RTN4: variants seen among roughly 807,000 people sequenced by gnomAD.
The protein encoded by RTN4 is reticulon 4.
RTN4 carries 32 observed loss-of-function variants against 90.4 expected under a neutral mutation model. The observed-to-expected ratio is 0.35, with a 90% CI of 0.27 to 0.48. The LOEUF (loss-of-function observed/expected upper bound fraction) is 0.48, where lower values mean the gene tolerates loss of function less well. Among genes scored for constraint, RTN4 ranks in the 20% least tolerant of loss-of-function variants. RTN4 has a pLI of 0.99. For synonymous variants in RTN4, 629 were observed against 552.5 expected (o/e 1.14, Z -1.94); for missense variants, 1,706 against 1,430.2 (o/e 1.19, Z -3.11).
intron 2 of RTN4, among the ~76,000 whole-genome samples, chr2:55,059,671 TA>T (rs371835990): frequency 6.3e-4 from 95 of 151,840 alleles, no homozygotes; most frequent in Middle Eastern, 3.4e-3. Context: ...CTGTCTCTAC[TA>T]AAAATACAAA....
At chr2:55,074,871 C>G (rs1012957398) in intron 2 of RTN4, among the ~76,000 whole-genome samples, 1 of 152,112 alleles carries the variant, frequency 6.6e-6, no homozygotes, top group Non-Finnish European at 1.5e-5. Flanking sequence ...TTTCACAAAT[C>G]CAGCATCCCT....
At chr2:54,987,045 A>T (rs542029002) in intron 4 of RTN4, among the ~76,000 whole-genome samples, 1 of 152,286 alleles carries the variant, frequency 6.6e-6, no homozygotes, top group South Asian at 2.1e-4. Flanking sequence ...GTAAAGCCTT[A>T]AGAAACGAGA....
chr2:55,036,599 CAAAAAAAAAAAA>C (rs71410411), intron 1 of RTN4, among the ~76,000 whole-genome samples: 1 of 72,988 alleles, frequency 1.4e-5, no homozygotes. Flanking sequence ...AAGACTGTCT[CAAAAAAAAAAAA>C]AAAAAAAAAA....
intron 1 of RTN4, among the ~76,000 whole-genome samples, chr2:55,098,450 A>G (rs1173584011): frequency 3.3e-5 from 5 of 152,138 alleles, no homozygotes; most frequent in Admixed American, 6.6e-5. Context: ...CCCAACTTCA[A>G]TAATTATCAA....
At chr2:55,051,929 G>T (rs1033398081), upstream of RTN4, among the ~76,000 whole-genome samples, 5 of 151,968 alleles carry the variant, frequency 3.3e-5, no homozygotes, top group Non-Finnish European at 5.9e-5. Flanking sequence ...ATTTCTTTTG[G>T]ACAGTGCTAG....
At chr2:55,079,959 G>T (rs560234674) in intron 2 of RTN4, among the ~76,000 whole-genome samples, 1 of 152,322 alleles carries the variant, frequency 6.6e-6, no homozygotes, top group East Asian at 1.9e-4. Flanking sequence ...AAAAATGAAT[G>T]TAATAATACT....
chr2:54,983,383 C>A lies in RTN4; in HGVS notation c.3222-730G>T, dbSNP rs1298675845. Among the ~76,000 whole-genome samples, 4 of 151,638 alleles carry A rather than the reference C, an allele frequency of 2.6e-5. No individual in the cohort carries two copies. In the East Asian group the frequency reaches 7.7e-4, roughly 29 times the overall value. On this transcript the variant is annotated intron_variant, in intron 4 of 8. Coordinates refer to ENST00000337526, the MANE Select transcript of RTN4 (RefSeq NM_020532.5). The stretch of plus-strand genomic sequence containing the variant: ...TACTATACTGGGGAAAAAGTCAAGT[C>A]CACAGGAATGTAAGAAACAGTTTCA...
At chr2:54,989,892 CT>C (rs970181950) in intron 3 of RTN4, among the ~76,000 whole-genome samples, 9 of 151,154 alleles carry the variant, frequency 6.0e-5, no homozygotes, top group African/African-American at 1.2e-4. Flanking sequence ...TAATTAATGC[CT>C]TTTTTTTTAT....
At chr2:55,019,934 G>C (rs1681305323) in intron 3 of RTN4, among the ~76,000 whole-genome samples, 1 of 151,874 alleles carries the variant, frequency 6.6e-6, no homozygotes, top group Non-Finnish European at 1.5e-5. Context: ...AAGAAATCAA[G>C]TAGGAAACTC....
In RTN4 at chr2:55,025,891, T is replaced by C. The variant is rs916015768; in HGVS notation, c.2208A>G (p.Glu736=). 1 of 1,613,716 alleles carries C rather than the reference T, an allele frequency of 6.2e-7. No homozygotes were observed. The highest frequency in any genetic ancestry group is 1.3e-5 in the African/African-American group (1 of 74,904). The change falls in exon 3 of 9, where the codon GAA becomes GAG. Residue 736 remains glutamate (E), a synonymous_variant. Coordinates refer to ENST00000337526, the MANE Select transcript of RTN4 (RefSeq NM_020532.5). Reference sequence around the variant, plus strand: ...CTGGTTCAGAATCAGGTGAGGAATCTTCAACTAGCTCAGAATGATCAGGCA... The same window carrying C: ...CTGGTTCAGAATCAGGTGAGGAATCCTCAACTAGCTCAGAATGATCAGGCA... ...QPVPDHSELV[E]DSSPDSEPVD...
chr2:55,049,617 C>T, intron 1 of RTN4, 128 bp downstream of exon 1: 2 of 1,461,708 alleles, frequency 1.4e-6, no homozygotes, highest in Non-Finnish European at 1.9e-6. Context: ...GGGGCGCCAT[C>T]GCCCCGAAGT....
In RTN4 at chr2:55,070,571, G is replaced by C. The variant is rs1485637289; in HGVS notation, c.-63+9918C>G. Among the ~76,000 whole-genome samples, 18 of 136,856 alleles carry C rather than the reference G, an allele frequency of 1.3e-4. No homozygotes were observed. The Admixed American group carries it at 1.3e-3, about 10-fold the overall frequency. 89.8% of individuals were successfully genotyped at this position (136,856 alleles called of 152,430 possible). On this transcript the variant is annotated intron_variant, in intron 2 of 3. Coordinates refer to the RTN4 transcript ENST00000427710. ...AAAAAAAAAAAAAAAAAAAAAGAAA[G>C]AAAGAAAGAAAAATAAAATACTCCC...
At chr2:55,094,495 T>A (rs997442033) in intron 1 of RTN4, among the ~76,000 whole-genome samples, 1 of 152,164 alleles carries the variant, frequency 6.6e-6, no homozygotes, top group Non-Finnish European at 1.5e-5. Context: ...ACCAATCAGG[T>A]GAGCTTCTGC....
Position 55,025,822 on chromosome 2 carries a change from T to C in RTN4, c.2277A>G (p.Lys759=). 1 of 1,613,678 alleles carries C rather than the reference T, an allele frequency of 6.2e-7. No homozygotes were observed. The highest frequency in any genetic ancestry group is 8.5e-7 in the Non-Finnish European group (1 of 1,179,804). The change falls in exon 3 of 9, where the codon AAA becomes AAG. Residue 759 remains lysine (K), a synonymous_variant. Coordinates refer to ENST00000337526, the MANE Select transcript of RTN4 (RefSeq NM_020532.5). The part of the protein sequence containing the change: ...SDDSIPDVPQ[K]QDETVMLVKE... The stretch of plus-strand genomic sequence containing the variant: ...TCACAAGCATCACAGTTTCATCTTG[T>C]TTTTGTGGAACGTCAGGTATTGAAT...
At chr2:55,116,413 C>T (rs1351971701), upstream of RTN4, among the ~76,000 whole-genome samples, 1 of 152,134 alleles carries the variant, frequency 6.6e-6, no homozygotes, top group African/African-American at 2.4e-5. Flanking sequence ...TAAAATGCCT[C>T]CACACCACAT....
At chr2:55,044,721 T>C (rs1683298669) in intron 1 of RTN4, among the ~76,000 whole-genome samples, 1 of 142,586 alleles carries the variant, frequency 7.0e-6, no homozygotes, top group Non-Finnish European at 1.5e-5. Context: ...CAGTTATTTA[T>C]CAGTGGTTCC....
chr2:55,023,809 C>A (rs773121761), intron 3 of RTN4, among the ~76,000 whole-genome samples: 2 of 152,096 alleles, frequency 1.3e-5, no homozygotes, highest in Non-Finnish European at 2.9e-5. Flanking sequence ...CACCATTTGC[C>A]GCTGTCATGA....
At chr2:55,132,205 G>C in the RTN4 span, among the ~76,000 whole-genome samples, 1 of 152,154 alleles carries the variant, frequency 6.6e-6, no homozygotes, top group East Asian at 1.9e-4. Context: ...ACTTTTATGT[G>C]TGTTTGAAAC....
intron 1 of RTN4, among the ~76,000 whole-genome samples, chr2:55,099,661 T>C (rs1292875251): frequency 1.3e-5 from 2 of 152,080 alleles, no homozygotes; most frequent in Non-Finnish European, 2.9e-5. Flanking sequence ...TGGCTAAAAG[T>C]GCAGGTGCCA....
Sources: gnomAD v4.1 joint callset for allele counts (sites outside exome capture counted in the v4.1 genomes callset) on GRCh38, gnomAD v4.1.1 for gene constraint, MANE v1.5 for transcripts, NCBI Gene and HGNC (gene_info 2026-07-23, HGNC 2026-07-21) for gene names.